EPC1: variants seen among roughly 807,000 people sequenced by gnomAD.
EPC1 encodes the protein enhancer of polycomb homolog 1.
A neutral mutation model predicts 98.4 loss-of-function variants in EPC1; 12 were observed. That is an observed-to-expected ratio of 0.12 (90% CI 0.08 to 0.20). The LOEUF is 0.20. EPC1 is among the 10% of genes least tolerant of loss of function. EPC1 has a pLI of 1.00. For synonymous variants in EPC1, 357 were observed against 363.9 expected (o/e 0.98, Z 0.21); for missense variants, 729 against 990.5 (o/e 0.74, Z 3.54).
chr10:32,278,671 T>C (rs1307198842), intron 10 of EPC1, among the ~76,000 whole-genome samples: 1 of 152,182 alleles, frequency 6.6e-6, no homozygotes, highest in African/African-American at 2.4e-5. Context: ...CTAAAGACCC[T>C]GAATTAGAAA....
At chr10:32,334,033 A>G (rs1837801225) in intron 1 of EPC1, among the ~76,000 whole-genome samples, 1 of 152,236 alleles carries the variant, frequency 6.6e-6, no homozygotes, top group African/African-American at 2.4e-5. Context: ...AACATGTACT[A>G]CCTTTCATGG....
At chr10:32,327,060 G>T (rs1837331517) in intron 1 of EPC1, among the ~76,000 whole-genome samples, 1 of 49,242 alleles carries the variant, frequency 2.0e-5, no homozygotes, top group South Asian at 1.1e-3. Flanking sequence ...AGAAAATGTG[G>T]TGACACACAC....
In EPC1 at chr10:32,371,707, T is replaced by A. The variant is rs190884035; in HGVS notation, c.3+6784A>T. On this transcript the variant is annotated intron_variant, in intron 1 of 13. Transcript: ENST00000375110. ...TGAGGTCAAGAGTTCGAGACCAGCC[T>A]GGCCAACATGGTGAAACCTCATCTC... is the stretch of plus-strand genomic sequence containing the variant. Among the ~76,000 whole-genome samples, 1,443 of 152,232 alleles carry A rather than the reference T, an allele frequency of 9.5e-3. 12 individuals carry two copies. The highest frequency in any genetic ancestry group is 0.027 in the Middle Eastern group (8 of 294).
chr10:32,332,819 C>T (rs1837719268), intron 1 of EPC1, among the ~76,000 whole-genome samples: 1 of 152,158 alleles, frequency 6.6e-6, no homozygotes, highest in Non-Finnish European at 1.5e-5. Context: ...ACTGGGAGTC[C>T]TCACTGCTAT....
intron 10 of EPC1, among the ~76,000 whole-genome samples, chr10:32,275,174 CGTGT>C (rs1230214090): frequency 2.6e-5 from 4 of 152,260 alleles, no homozygotes; most frequent in Admixed American, 6.5e-5. Context: ...ACTTTGCTGG[CGTGT>C]GTGTTTAATT....
exon 1 of EPC1, chr10:32,378,571 A>C: frequency 9.4e-7 from 1 of 1,067,856 alleles, no homozygotes; most frequent in Non-Finnish European, 1.4e-6. Flanking sequence ...CCCTAGAAAC[A>C]ACAGCCTCCA....
At position 32,293,732 on chromosome 10, in the gene EPC1, TA is replaced by T; in HGVS notation, c.318del (p.Phe106LeufsTer20). On this transcript the variant is annotated frameshift_variant, in exon 3 of 14. Transcript: ENST00000319778. LOFTEE classifies it high-confidence loss of function. ...MPKQLIHIQP[F>X]SLDAEQPDYD... ...TAATCAGGCTGTTCAGCATCCAAACTAAAAGCTGACAGAAGGAACCATATGC... is the reference window on the plus strand; with the variant it reads ...TAATCAGGCTGTTCAGCATCCAAACTAAAGCTGACAGAAGGAACCATATGC... 1 of 1,610,240 alleles carries T rather than the reference TA, an allele frequency of 6.2e-7. No individual in the cohort carries two copies.
chr10:32,330,377 G>A (rs892533375), intron 1 of EPC1, among the ~76,000 whole-genome samples: 1 of 152,092 alleles, frequency 6.6e-6, no homozygotes, highest in African/African-American at 2.4e-5. Flanking sequence ...CTGGATTCAC[G>A]GTCAGTCTGA....
chr10:32,376,501 C>A (rs1188755591), intron 1 of EPC1, among the ~76,000 whole-genome samples: 12 of 151,894 alleles, frequency 7.9e-5, no homozygotes, highest in Admixed American at 7.9e-4. Context: ...CAAAAACTAG[C>A]CTTGATGGGG....
intron 1 of EPC1, among the ~76,000 whole-genome samples, chr10:32,370,137 G>C (rs971523134): frequency 6.6e-6 from 1 of 152,062 alleles, no homozygotes; most frequent in African/African-American, 2.4e-5. Context: ...CACTCTGAAG[G>C]GCATCAAATA....
chr10:32,302,742 T>A (rs1170723514), intron 2 of EPC1, among the ~76,000 whole-genome samples: 1 of 150,694 alleles, frequency 6.6e-6, no homozygotes, highest in African/African-American at 2.4e-5. Context: ...AATAAACACA[T>A]GAAAAGATAT....
At chr10:32,346,652 C>A (rs530332621) in intron 1 of EPC1, 111 bp downstream of exon 1, 3 of 1,068,622 alleles carry the variant, frequency 2.8e-6, no homozygotes, top group Non-Finnish European at 4.1e-6. Flanking sequence ...TGAGAGTCGG[C>A]GGCGAAGAGA....
chr10:32,303,000 G>C (rs1191792794), intron 2 of EPC1, among the ~76,000 whole-genome samples: 2 of 152,046 alleles, frequency 1.3e-5, no homozygotes, highest in Non-Finnish European at 2.9e-5. Flanking sequence ...ATATACCCCA[G>C]AGGAAGAAAA....
upstream of EPC1, chr10:32,347,313 T>A (rs1838915891): frequency 1.7e-6 from 1 of 587,868 alleles, no homozygotes; most frequent in South Asian, 7.7e-5. Context: ...TTCCCGCGCC[T>A]CGCTGCTCCG....
intron 1 of EPC1, among the ~76,000 whole-genome samples, chr10:32,309,563 A>G (rs1488384964): frequency 1.3e-5 from 2 of 151,448 alleles, no homozygotes; most frequent in African/African-American, 2.4e-5. Flanking sequence ...GTTTTAAACA[A>G]CACAGCCTTG....
At chr10:32,287,632 T>A (rs1424130711) in intron 6 of EPC1, among the ~76,000 whole-genome samples, 1 of 152,146 alleles carries the variant, frequency 6.6e-6, no homozygotes, top group African/African-American at 2.4e-5. Context: ...AATTTTTTTT[T>A]AAAGGGGATT....
intron 2 of EPC1, among the ~76,000 whole-genome samples, chr10:32,304,282 T>A (rs536882445): frequency 6.6e-6 from 1 of 152,222 alleles, no homozygotes. Flanking sequence ...TATAATTTTA[T>A]CTTATTTTAC....
In EPC1 at chr10:32,286,960, G is replaced by A; in HGVS notation, c.1208C>T (p.Ala403Val). The A allele has an allele frequency of 6.2e-7, 1 of 1,613,918 alleles. No homozygotes were observed. Among genetic ancestry groups the A allele is most frequent in the East Asian group, 2.2e-5 (1 of 44,878 alleles). ...CTGACAGCCTGCTTTCCTACGGAAA[G>A]CAAAAGGACCATCAGGATCATTGTC... Reference protein sequence around the residue: ...EEDNDPDGPFAFRRKAGCQYY... With the variant: ...EEDNDPDGPFVFRRKAGCQYY... Residue 403 changes from alanine to valine, a missense_variant, in exon 8 of 14, where the codon GCT (alanine) becomes GTT (valine). Coordinates refer to ENST00000319778, the MANE Select transcript of EPC1 (RefSeq NM_001272004.3).
intron 1 of EPC1, among the ~76,000 whole-genome samples, chr10:32,311,512 C>A (rs1472212357): frequency 6.6e-6 from 1 of 151,496 alleles, no homozygotes; most frequent in East Asian, 1.9e-4. Context: ...TGGTTAGGTT[C>A]TTCTAAGGCT....
Sources: allele counts gnomAD v4.1 joint callset (sites outside exome capture counted in the v4.1 genomes callset), GRCh38; gene constraint gnomAD v4.1.1; transcripts MANE v1.5; gene names NCBI Gene and HGNC (gene_info 2026-07-23, HGNC 2026-07-21).